The following THSD4 variants were observed in gnomAD, a reference collection of about 807,000 sequenced individuals.
THSD4 encodes the protein thrombospondin type 1 domain containing 4, also known as thrombospondin type-1 domain-containing protein 4.
THSD4 carries 69 observed loss-of-function variants against 119.0 expected under a neutral mutation model. That is an observed-to-expected ratio of 0.58 (90% confidence interval 0.48 to 0.71). THSD4 has a LOEUF of 0.71. Among genes scored for constraint, THSD4 ranks in the 30% least tolerant of loss-of-function variants. THSD4 has a pLI of 0.00. For missense variants in THSD4, 1,393 were observed against 1,391.1 expected, an observed-to-expected ratio of 1.00 and a Z score of -0.02; for synonymous variants, 524 against 540.4, an observed-to-expected ratio of 0.97 and a Z score of 0.42.
At chr15:71,235,719 G>C (rs1040615750) in intron 4 of THSD4, among the ~76,000 whole-genome samples, 1 of 151,692 alleles carries the variant, frequency 6.6e-6, no homozygotes, top group Non-Finnish European at 1.5e-5. Flanking sequence ...CTCCCGAGTA[G>C]CTGGGACCAC....
At chr15:71,445,238 C>G (rs2047164958) in intron 7 of THSD4, among the ~76,000 whole-genome samples, 1 of 152,150 alleles carries the variant, frequency 6.6e-6, no homozygotes, top group Admixed American at 6.5e-5. Context: ...CCAAATAGAC[C>G]TCTTTTAAGA....
At chr15:71,674,229 T>C (rs766211364) in intron 8 of THSD4, among the ~76,000 whole-genome samples, 1 of 152,198 alleles carries the variant, frequency 6.6e-6, no homozygotes, top group African/African-American at 2.4e-5. Context: ...TTATGTGGTC[T>C]CCAGTTCTTG....
chr15:71,642,717 G>A (rs531657854), intron 7 of THSD4, among the ~76,000 whole-genome samples: 5 of 151,568 alleles, frequency 3.3e-5, no homozygotes, highest in South Asian at 2.1e-4. Context: ...ACCAAACACC[G>A]CATGTTCTCA....
chr15:71,603,013 C>G lies in THSD4; in HGVS notation c.1153-57517C>G, dbSNP rs1595776967. ...GCTTTCTGGCTCTAAAGCTTGTGCT[C>G]TTTCCCCGCTATGTTGCCTCTGTCC... On this transcript the variant is annotated intron_variant, in intron 7 of 17. Transcript: ENST00000261862. 2.0e-5 allele frequency among the ~76,000 whole-genome samples: 3 copies of G among 152,230 alleles called. No individual in the cohort carries two copies. In the East Asian group the frequency reaches 5.8e-4, roughly 29 times the overall value.
chr15:71,722,267 C>T (rs921327766), intron 8 of THSD4, among the ~76,000 whole-genome samples: 8 of 152,106 alleles, frequency 5.3e-5, no homozygotes, highest in African/African-American at 1.9e-4. Context: ...AATTCATGGA[C>T]CTATGGAATC....
At chr15:71,304,199 C>G (rs1362405362) in intron 6 of THSD4, among the ~76,000 whole-genome samples, 1 of 152,128 alleles carries the variant, frequency 6.6e-6, no homozygotes, top group African/African-American at 2.4e-5. Context: ...ACTCTCTCCA[C>G]TGCATGAAAC....
intron 7 of THSD4, among the ~76,000 whole-genome samples, chr15:71,443,347 A>C (rs1420705658): frequency 6.6e-6 from 1 of 152,126 alleles, no homozygotes; most frequent in Non-Finnish European, 1.5e-5. Flanking sequence ...CGAAAGGTGA[A>C]GCTATCCTTT....
chr15:71,723,991 G>C (rs2052771678), intron 8 of THSD4, among the ~76,000 whole-genome samples: 1 of 150,998 alleles, frequency 6.6e-6, no homozygotes, highest in South Asian at 2.1e-4. Flanking sequence ...GGGAGGAGGA[G>C]GTTGCAGTGA....
At chr15:71,513,820 G>T (rs1329493425) in intron 7 of THSD4, among the ~76,000 whole-genome samples, 1 of 152,172 alleles carries the variant, frequency 6.6e-6, no homozygotes, top group Admixed American at 6.5e-5. Context: ...TGTGGCTTCT[G>T]CATGCAATAG....
chr15:71,225,551 CT>C (rs748966344), intron 4 of THSD4, among the ~76,000 whole-genome samples: 40 of 41,250 alleles, frequency 9.7e-4, no homozygotes, highest in Admixed American at 2.1e-3. Context: ...TTTTTTTTTT[CT>C]TTTTTTTTTT....
intron 7 of THSD4, among the ~76,000 whole-genome samples, chr15:71,583,847 T>A (rs2049605078): frequency 6.6e-6 from 1 of 152,200 alleles, no homozygotes; most frequent in Admixed American, 6.5e-5. Flanking sequence ...TGGAAAAGAT[T>A]CTATGTGCTC....
chr15:71,438,126 C>G (rs982900151), intron 7 of THSD4, among the ~76,000 whole-genome samples: 1 of 152,148 alleles, frequency 6.6e-6, no homozygotes, highest in Non-Finnish European at 1.5e-5. Flanking sequence ...GTGCAGTGCC[C>G]TCCTCGCCCT....
In THSD4 at chr15:71,745,346, A is replaced by G. The variant is rs1351957469; in HGVS notation, c.2036+111A>G. On this transcript the variant is annotated intron_variant, in intron 12 of 17. Transcript: ENST00000261862. Reference sequence around the variant, plus strand: ...AGTCTAAATCTGAGTTAGAAATACAAGACTTGGACCATGCATAAAATGCAG... The same window carrying G: ...AGTCTAAATCTGAGTTAGAAATACAGGACTTGGACCATGCATAAAATGCAG... 4.3e-6 allele frequency: 6 copies of G among 1,381,608 alleles called. No homozygotes were observed. In the East Asian group the frequency reaches 1.5e-4, roughly 34 times the overall value. The allele number at this position is 1,381,608 out of a possible 1,614,324, so 85.6% of individuals were successfully genotyped here.
At chr15:71,529,054 G>T (rs1304805318) in intron 7 of THSD4, among the ~76,000 whole-genome samples, 2 of 152,202 alleles carry the variant, frequency 1.3e-5, no homozygotes, top group East Asian at 3.8e-4. Context: ...GCCAATGGAA[G>T]ATGGGCCAGT....
At position 71,757,887 on chromosome 15, in the gene THSD4, TC is replaced by T. The variant is rs1447808391; in HGVS notation, c.2416-11del. 2 of 1,612,668 alleles carry T rather than the reference TC, an allele frequency of 1.2e-6. No homozygotes were observed. The highest frequency in any genetic ancestry group is 1.7e-6 in the Non-Finnish European group (2 of 1,179,876). ...CAGGGCCTCCTGACTAATGTGCCCTTCCCCTGTCTCACAGTGCTCAGCGGAG... is the reference window on the plus strand; with the variant it reads ...CAGGGCCTCCTGACTAATGTGCCCTTCCCTGTCTCACAGTGCTCAGCGGAG... On this transcript the variant is annotated splice_polypyrimidine_tract_variant and intron_variant, in intron 14 of 17. Coordinates refer to ENST00000261862, the MANE Select transcript of THSD4 (RefSeq NM_024817.3).
At chr15:71,199,611 T>TG (rs1271935346) in intron 3 of THSD4, among the ~76,000 whole-genome samples, 7 of 133,754 alleles carry the variant, frequency 5.2e-5, no homozygotes, top group African/African-American at 2.2e-4. Flanking sequence ...ATGGTGTGTG[T>TG]GGTGTGTGGG....
At chr15:71,770,990 G>T in intron 16 of THSD4, 74 bp from the exon 17 acceptor site, 1 of 1,550,778 alleles carries the variant, frequency 6.4e-7, no homozygotes, top group Admixed American at 2.1e-5. Flanking sequence ...AGATTTTCCA[G>T]TGTCTTCTTT....
intron 3 of THSD4, among the ~76,000 whole-genome samples, chr15:71,206,313 C>T (rs28589485): frequency 6.6e-5 from 10 of 152,014 alleles, no homozygotes; most frequent in South Asian, 2.1e-4. Context: ...CGCCCGGCCA[C>T]GTTTGGAGAT....
chr15:71,497,661 T>C (rs2048044938), intron 7 of THSD4, among the ~76,000 whole-genome samples: 1 of 152,198 alleles, frequency 6.6e-6, no homozygotes, highest in Admixed American at 6.5e-5. Flanking sequence ...TTTAATCTTT[T>C]AAGAACGACT....
Sources: gnomAD v4.1 joint callset for allele counts (sites outside exome capture counted in the v4.1 genomes callset) on GRCh38, gnomAD v4.1.1 for gene constraint, MANE v1.5 for transcripts, NCBI Gene and HGNC (gene_info 2026-07-23, HGNC 2026-07-21) for gene names.